ULK4: variants seen among roughly 807,000 people sequenced by gnomAD.
The protein encoded by ULK4 is unc-51 like kinase 4, also known as inactive serine/threonine-protein kinase ULK4.
ULK4 carries 133 observed loss-of-function variants against 160.6 expected under a neutral mutation model. The ratio of observed to expected loss-of-function variants is 0.83; its 90% confidence interval spans 0.72 to 0.96. The LOEUF is 0.96. Among genes scored for constraint, ULK4 ranks in the 40% least tolerant of loss-of-function variants. ULK4 has a pLI of 0.00. For missense variants in ULK4, 1,580 were observed against 1,499.5 expected, an observed-to-expected ratio of 1.05 and a Z score of -0.89; for synonymous variants, 534 against 539.8, an observed-to-expected ratio of 0.99 and a Z score of 0.15.
intron 35 of ULK4, among the ~76,000 whole-genome samples, chr3:41,370,811 A>T (rs2081349511): frequency 6.6e-6 from 1 of 152,184 alleles, no homozygotes; most frequent in African/African-American, 2.4e-5. Context: ...CACTACCCTG[A>T]AAAGGGGGCT....
intron 21 of ULK4, among the ~76,000 whole-genome samples, chr3:41,773,683 G>T (rs1293226510): frequency 6.6e-6 from 1 of 152,068 alleles, no homozygotes; most frequent in Admixed American, 6.5e-5. Flanking sequence ...TACCCATCAA[G>T]CTACCAATGA....
chr3:41,904,163 T>TG (rs1698472341), intron 12 of ULK4, among the ~76,000 whole-genome samples: 1 of 152,176 alleles, frequency 6.6e-6, no homozygotes, highest in Non-Finnish European at 1.5e-5. Context: ...CCAAGCACAG[T>TG]GGCTCACACC....
chr3:41,910,413 G>A (rs1404313055), intron 11 of ULK4, among the ~76,000 whole-genome samples: 1 of 151,944 alleles, frequency 6.6e-6, no homozygotes, highest in Admixed American at 6.6e-5. Flanking sequence ...GGCCAACATG[G>A]CAAAATCCTG....
chr3:41,616,271 A>G (rs1275991323), intron 30 of ULK4, among the ~76,000 whole-genome samples: 1 of 152,200 alleles, frequency 6.6e-6, no homozygotes, highest in Non-Finnish European at 1.5e-5. Context: ...CATAAAAGAG[A>G]AAACAGCCTT....
At chr3:41,911,507 C>T in intron 10 of ULK4, 34 bp downstream of exon 10, 1 of 1,597,928 alleles carries the variant, frequency 6.3e-7, no homozygotes, top group Non-Finnish European at 8.6e-7. Context: ...AAACAACATT[C>T]TAAGTAGCAT....
At chr3:41,500,284 T>C (rs2085151994) in intron 32 of ULK4, among the ~76,000 whole-genome samples, 1 of 151,726 alleles carries the variant, frequency 6.6e-6, no homozygotes, top group African/African-American at 2.4e-5. Context: ...TCTTATCTTT[T>C]TTTTTTTTTC....
chr3:41,632,864 G>A (rs188111124), intron 30 of ULK4, among the ~76,000 whole-genome samples: 225 of 152,226 alleles, frequency 1.5e-3, no homozygotes, highest in African/African-American at 5.2e-3. Flanking sequence ...CTAGGCAGCT[G>A]AGATCAGAGT....
At chr3:41,570,571 C>G (rs2087936342) in intron 31 of ULK4, among the ~76,000 whole-genome samples, 1 of 152,180 alleles carries the variant, frequency 6.6e-6, no homozygotes, top group African/African-American at 2.4e-5. Context: ...AAAGACCCAT[C>G]TGTCAGCAAA....
intron 32 of ULK4, among the ~76,000 whole-genome samples, chr3:41,499,317 GA>G (rs767344653): frequency 2.6e-5 from 4 of 152,166 alleles, no homozygotes; most frequent in Admixed American, 6.5e-5. Context: ...GAAATGAAGA[GA>G]AGAGTGCCTT....
intron 32 of ULK4, among the ~76,000 whole-genome samples, chr3:41,556,340 T>C (rs986601268): frequency 2.6e-5 from 4 of 152,052 alleles, no homozygotes; most frequent in Non-Finnish European, 5.9e-5. Context: ...AAATATAATT[T>C]ACAACTGACT....
At chr3:41,320,474 C>A (rs2080225274) in intron 35 of ULK4, among the ~76,000 whole-genome samples, 1 of 152,148 alleles carries the variant, frequency 6.6e-6, no homozygotes, top group South Asian at 2.1e-4. Flanking sequence ...CTCCAGTTTC[C>A]ATGGGGCTGA....
chr3:41,343,751 T>A (rs1413828009), intron 35 of ULK4, among the ~76,000 whole-genome samples: 1 of 152,156 alleles, frequency 6.6e-6, no homozygotes, highest in Non-Finnish European at 1.5e-5. Flanking sequence ...CCATTCACAA[T>A]TGCTACAAAA....
In ULK4 at chr3:41,292,113, A is replaced by G. The variant is rs188205976; in HGVS notation, c.3679-42539T>C. Among the ~76,000 whole-genome samples the G allele has an allele frequency of 3.0e-3, 463 of 152,176 alleles. 1 individual carries two copies. Among genetic ancestry groups the G allele is most frequent in the African/African-American group, 0.01 (433 of 41,538 alleles). ...CTCCCAAAGTGCTGGGATTACAGGCATGAGCCACCGCGCCCGGCCTCACTT... is the reference window on the plus strand; with the variant it reads ...CTCCCAAAGTGCTGGGATTACAGGCGTGAGCCACCGCGCCCGGCCTCACTT... On this transcript the variant is annotated intron_variant, in intron 35 of 36. Transcript: ENST00000301831.
intron 18 of ULK4, among the ~76,000 whole-genome samples, chr3:41,832,156 C>T (rs1447303796): frequency 1.3e-5 from 2 of 152,184 alleles, no homozygotes; most frequent in African/African-American, 4.8e-5. Flanking sequence ...ACATTCCCAC[C>T]AACAGTCCAA....
At chr3:41,882,555 A>T (rs1207366094) in intron 17 of ULK4, among the ~76,000 whole-genome samples, 1 of 152,190 alleles carries the variant, frequency 6.6e-6, no homozygotes, top group African/African-American at 2.4e-5. Flanking sequence ...ATCCTAAGAG[A>T]ATTCATCCAA....
intron 5 of ULK4, among the ~76,000 whole-genome samples, chr3:41,927,550 T>C (rs112945648): frequency 0.015 from 2,236 of 151,660 alleles, 24 homozygotes; most frequent in Middle Eastern, 0.028. Context: ...AGACATAGAC[T>C]GACAAATTGA....
At chr3:41,950,976 C>T (rs1397250621) in intron 2 of ULK4, among the ~76,000 whole-genome samples, 1 of 151,412 alleles carries the variant, frequency 6.6e-6, no homozygotes, top group Non-Finnish European at 1.5e-5. Flanking sequence ...AACCTCATCT[C>T]TACTAAAAAT....
intron 17 of ULK4, chr3:41,859,617 C>T: frequency 2.0e-6 from 1 of 494,012 alleles, no homozygotes; most frequent in South Asian, 1.5e-5. Flanking sequence ...AGCTGCCAGC[C>T]TCTGCCCCAC....
chr3:41,660,154 G>A (rs371569845), intron 30 of ULK4, among the ~76,000 whole-genome samples: 1 of 152,114 alleles, frequency 6.6e-6, no homozygotes, highest in African/African-American at 2.4e-5. Flanking sequence ...AATTAGTGGG[G>A]TGTGGTGACT....
Sources: gnomAD v4.1 joint callset for allele counts (sites outside exome capture counted in the v4.1 genomes callset) on GRCh38, gnomAD v4.1.1 for gene constraint, MANE v1.5 for transcripts, NCBI Gene and HGNC (gene_info 2026-07-23, HGNC 2026-07-21) for gene names.